OPCML: variants seen among roughly 807,000 people sequenced by gnomAD.
The protein encoded by OPCML is opioid-binding protein/cell adhesion molecule.
In OPCML, 13 loss-of-function variants were observed where a neutral mutation model predicts 37.8. That is an observed-to-expected ratio of 0.34 (90% CI 0.22 to 0.55). The LOEUF (loss-of-function observed/expected upper bound fraction) is 0.55. OPCML is among the 20% of genes least tolerant of loss of function. OPCML has a pLI of 0.91. For synonymous variants in OPCML, 176 were observed against 168.8 expected (o/e 1.04, Z -0.33); for missense variants, 341 against 435.6 (o/e 0.78, Z 1.93).
At chr11:133,022,712 C>T (rs1947476707) in intron 1 of OPCML, among the ~76,000 whole-genome samples, 1 of 152,052 alleles carries the variant, frequency 6.6e-6, no homozygotes, top group South Asian at 2.1e-4. Context: ...GGTGACGCAC[C>T]ATGGAAAAAT....
intron 2 of OPCML, among the ~76,000 whole-genome samples, chr11:132,690,099 GTTCT>G (rs1469051870): frequency 2.0e-5 from 3 of 152,116 alleles, no homozygotes; most frequent in African/African-American, 7.2e-5. Flanking sequence ...CTTAGATCAG[GTTCT>G]TTGTCTTTTT....
At chr11:133,409,378 T>A (rs1000757555) in intron 1 of OPCML, among the ~76,000 whole-genome samples, 2 of 152,182 alleles carry the variant, frequency 1.3e-5, no homozygotes, top group African/African-American at 4.8e-5. Context: ...GAGGAAAATT[T>A]AGAAAAAGCT....
intron 1 of OPCML, among the ~76,000 whole-genome samples, chr11:133,020,075 C>G (rs1027025362): frequency 3.3e-5 from 5 of 152,212 alleles, no homozygotes; most frequent in Admixed American, 1.3e-4. Flanking sequence ...TCGGAATGAG[C>G]TGAGGGTTTC....
At chr11:132,880,422 C>T (rs1007310290) in intron 2 of OPCML, among the ~76,000 whole-genome samples, 10 of 152,038 alleles carry the variant, frequency 6.6e-5, no homozygotes, top group Non-Finnish European at 1.2e-4. Flanking sequence ...TATTATAATA[C>T]CACAAAGATA....
rs947697563 is a variant in OPCML at position 133,174,720 on chromosome 11, TTA to T, written c.62-231712_62-231711del. 6.6e-5 allele frequency among the ~76,000 whole-genome samples: 10 copies of T among 151,814 alleles called. No homozygotes were observed. Among genetic ancestry groups the T allele is most frequent in the African/African-American group, 1.7e-4 (7 of 41,172 alleles). On this transcript the variant is annotated intron_variant, in intron 1 of 7. Coordinates refer to ENST00000524381, the MANE Select transcript of OPCML (RefSeq NM_001012393.5). This position sits in a 1 kb window ranked among gnomAD's most constrained non-coding sequence, Gnocchi z 4.6. ...ATTTCTTGTCTCCTGAAAAATAAAT[TTA>T]TGTTTGCCTATCTATATTTTCATCT...
chr11:133,458,581 GTACACA>G (rs1946765822), intron 1 of OPCML, among the ~76,000 whole-genome samples: 1 of 95,750 alleles, frequency 1.0e-5, no homozygotes. Flanking sequence ...ACACGTGTGT[GTACACA>G]TATATACACG....
intron 3 of OPCML, among the ~76,000 whole-genome samples, chr11:132,582,219 A>G (rs1050743963): frequency 1.3e-4 from 19 of 151,870 alleles, no homozygotes; most frequent in African/African-American, 4.6e-4. Context: ...GAACAATTTT[A>G]TGATAATTTC....
chr11:132,574,425 T>A (rs990695821), intron 3 of OPCML, among the ~76,000 whole-genome samples: 14 of 151,764 alleles, frequency 9.2e-5, no homozygotes, highest in Non-Finnish European at 1.6e-4. Context: ...TATTACTTAC[T>A]ATTGCTGCAT....
intron 1 of OPCML, among the ~76,000 whole-genome samples, chr11:132,964,050 G>A (rs995559417): frequency 3.9e-5 from 6 of 152,186 alleles, no homozygotes; most frequent in Admixed American, 3.9e-4. Context: ...CTGGAGGCTG[G>A]CAGAGAAATC....
chr11:132,999,571 G>T (rs1422869876), intron 1 of OPCML, among the ~76,000 whole-genome samples: 1 of 141,108 alleles, frequency 7.1e-6, no homozygotes, highest in African/African-American at 2.5e-5. Flanking sequence ...AATGGGGTCG[G>T]GGGGGGAATG....
At chr11:132,647,655 T>G (rs935480037) in intron 3 of OPCML, among the ~76,000 whole-genome samples, 1 of 152,132 alleles carries the variant, frequency 6.6e-6, no homozygotes, top group African/African-American at 2.4e-5. Context: ...GTCTTCATCA[T>G]TATTGTCTTA....
chr11:133,218,045 C>CAAAAA (rs112195465), intron 1 of OPCML, among the ~76,000 whole-genome samples: 2 of 144,628 alleles, frequency 1.4e-5, no homozygotes, highest in African/African-American at 5.0e-5. Context: ...TACCCTGTCT[C>CAAAAA]AAAAAAAAAA....
chr11:133,076,887 G>T (rs751443142), intron 1 of OPCML, among the ~76,000 whole-genome samples: 1 of 152,110 alleles, frequency 6.6e-6, no homozygotes, highest in African/African-American at 2.4e-5. Flanking sequence ...GCAGGTGAAG[G>T]CCCAGACAAA....
intron 4 of OPCML, among the ~76,000 whole-genome samples, chr11:132,460,494 A>G (rs137949083): frequency 6.6e-6 from 1 of 152,334 alleles, no homozygotes; most frequent in African/African-American, 2.4e-5. Flanking sequence ...ACCATTGCCA[A>G]AGTAGAAACT....
At position 133,107,800 on chromosome 11, in the gene OPCML, C is replaced by A. The variant is rs142290161; in HGVS notation, c.62-164790G>T. On this transcript the variant is annotated intron_variant, in intron 1 of 7. Coordinates refer to ENST00000524381, the MANE Select transcript of OPCML (RefSeq NM_001012393.5). ...TTGACACTGAAGATTGGAATCTACA[C>A]AAATGTTCTGTAACAACTCATTTTA... 3.0e-3 allele frequency among the ~76,000 whole-genome samples: 456 copies of A among 152,362 alleles called. 1 individual carries two copies. The highest frequency in any genetic ancestry group is 0.01 in the African/African-American group (436 of 41,576).
intron 1 of OPCML, among the ~76,000 whole-genome samples, chr11:133,063,096 C>A (rs914415943): frequency 6.6e-6 from 1 of 152,204 alleles, no homozygotes; most frequent in South Asian, 2.1e-4. Context: ...TGAGTTCTAC[C>A]GGTCAGTCCA....
chr11:133,157,424 T>C (rs1308666844), intron 1 of OPCML, among the ~76,000 whole-genome samples: 1 of 152,188 alleles, frequency 6.6e-6, no homozygotes, highest in Non-Finnish European at 1.5e-5. Flanking sequence ...TGTCAATTTC[T>C]AAGCAAAGGG....
chr11:132,657,373 G>A, intron 2 of OPCML, 54 bp from the exon 3 acceptor site: 2 of 1,591,542 alleles, frequency 1.3e-6, no homozygotes, highest in Non-Finnish European at 1.7e-6. Flanking sequence ...AGAGAGAGTG[G>A]AGAGATTATA....
chr11:133,230,539 C>T lies in OPCML; in HGVS notation c.62-287529G>A, dbSNP rs536769939. Among the ~76,000 whole-genome samples, 224 of 152,338 alleles carry T rather than the reference C, an allele frequency of 1.5e-3. 5 individuals are homozygous for T. The highest frequency in any genetic ancestry group is 0.01 in the Middle Eastern group (3 of 294). ...AAGAGGTTTTCTCTCTAGTCCCCCA[C>T]CACACCCAAACTTTCTTAGTTTATG... On this transcript the variant is annotated intron_variant, in intron 1 of 7. Coordinates refer to ENST00000524381, the MANE Select transcript of OPCML (RefSeq NM_001012393.5).
Sources: allele counts gnomAD v4.1 joint callset (sites outside exome capture counted in the v4.1 genomes callset), GRCh38; gene constraint gnomAD v4.1.1; non-coding constraint Gnocchi (gnomAD v3.1); transcripts MANE v1.5; gene names NCBI Gene and HGNC (gene_info 2026-07-23, HGNC 2026-07-21).